The following GARS1 variants were observed in gnomAD, a reference collection of about 807,000 sequenced individuals.
GARS1 encodes glycine--tRNA ligase.
A neutral mutation model predicts 86.4 loss-of-function variants in GARS1; 46 were observed. That is an observed-to-expected ratio of 0.53 (90% confidence interval 0.42 to 0.68). GARS1 has a LOEUF of 0.68. Ranked by LOEUF, GARS1 falls within the 30% of genes least tolerant of loss-of-function variation. The pLI, the probability that GARS1 is intolerant of heterozygous loss-of-function variation, is 0.00. For missense variants in GARS1, 797 were observed against 915.6 expected, an observed-to-expected ratio of 0.87 and a Z score of 1.67; for synonymous variants, 342 against 329.8, an observed-to-expected ratio of 1.04 and a Z score of -0.40.
In GARS1 at chr7:30,601,066, T is replaced by C. The variant is rs2128132709; in HGVS notation, c.435T>C (p.Ser145=). Residue 145 remains serine, a synonymous_variant, in exon 4 of 17, where the codon AGT becomes AGC. Transcript: ENST00000389266. ...DQAFAIYGGV[S]GLYDFGPVGC... is the part of the protein sequence containing the mutation. ...TCCTCTCATATTCTATAGGTGTTAG[T>C]GGTCTGTATGACTTTGGGCCAGTTG... is the stretch of plus-strand genomic sequence containing the variant. The C allele has an allele frequency of 1.9e-6, 3 of 1,614,014 alleles. No homozygotes were observed. Among genetic ancestry groups the C allele is most frequent in the Middle Eastern group, 3.3e-4 (2 of 6,058 alleles).
chr7:30,616,572 A>T (rs982979194), intron 9 of GARS1, among the ~76,000 whole-genome samples: 6 of 152,148 alleles, frequency 3.9e-5, no homozygotes, highest in South Asian at 2.1e-4. Context: ...CCCTGAAAAT[A>T]CTCCTGGCAA....
intron 4 of GARS1, among the ~76,000 whole-genome samples, chr7:30,601,772 C>T (rs1048502715): frequency 3.3e-5 from 5 of 152,104 alleles, no homozygotes; most frequent in African/African-American, 2.4e-5. Context: ...GAAAGTAGGG[C>T]AGAATTTCCT....
In GARS1 at chr7:30,632,855, CAT is replaced by C. The variant is rs1783264172; in HGVS notation, c.2094+419_2094+420del. 1.3e-5 allele frequency among the ~76,000 whole-genome samples: 2 copies of C among 152,108 alleles called. No homozygotes were observed. Among genetic ancestry groups the C allele is most frequent in the African/African-American group, 4.8e-5 (2 of 41,410 alleles). ...TGTTCATATATTCAAAACAGTGAAT[CAT>C]GTTTCAGTAGTTTTGGTCAATAGGA... On this transcript the variant is annotated intron_variant, in intron 16 of 16. Coordinates refer to ENST00000389266, the MANE Select transcript of GARS1 (RefSeq NM_002047.4). This position sits in a 1 kb window ranked among gnomAD's most constrained non-coding sequence, Gnocchi z 4.1.
chr7:30,607,297 C>T (rs548454490), intron 6 of GARS1, among the ~76,000 whole-genome samples: 41 of 152,210 alleles, frequency 2.7e-4, no homozygotes, highest in South Asian at 1.2e-3. Flanking sequence ...GGAACCAACC[C>T]AAATGTCCAT....
chr7:30,632,493 T>A lies in GARS1; in HGVS notation c.2094+56T>A. On this transcript the variant is annotated intron_variant, in intron 16 of 16. Coordinates refer to ENST00000389266, the MANE Select transcript of GARS1 (RefSeq NM_002047.4). This position sits in a 1 kb window ranked among gnomAD's most constrained non-coding sequence, Gnocchi z 4.1. Reference sequence around the variant, plus strand: ...CTTAGAAATGTGTACTGCTTCTTACTGATTTGTGTTGGATTTTGATGTGTT... The same window carrying A: ...CTTAGAAATGTGTACTGCTTCTTACAGATTTGTGTTGGATTTTGATGTGTT... 6.4e-7 allele frequency: 1 copy of A among 1,561,184 alleles called. No individual in the cohort carries two copies. Among genetic ancestry groups the A allele is most frequent in the Non-Finnish European group, 8.8e-7 (1 of 1,132,726 alleles).
chr7:30,633,643 T>G, intron 16 of GARS1, 92 bp from the exon 17 acceptor site: 1 of 1,468,770 alleles, frequency 6.8e-7, no homozygotes, highest in South Asian at 1.1e-5. Flanking sequence ...ATTGTTTGGC[T>G]CTGTGTAAGG....
Position 30,631,512 on chromosome 7 carries a change from A to G in GARS1, c.1874A>G (p.Gln625Arg). Residue 625 changes from glutamine (Q) to arginine (R), a missense_variant, in exon 15 of 17, where the codon CAG becomes CGG. By Grantham distance (43) the Gln-to-Arg change is conservative. Transcript: ENST00000389266. ...KCSVLPLSQN[Q>R]EFMPFVKELS... ...TCCGTCCTCCCACTGAGCCAAAACC[A>G]GGAGTTCATGCCATTTGTCAAGGAA... 3 of 1,613,604 alleles carry G rather than the reference A, an allele frequency of 1.9e-6. No homozygotes were observed. Among genetic ancestry groups the G allele is most frequent in the Non-Finnish European group, 2.5e-6 (3 of 1,179,552 alleles).
At chr7:30,594,837 C>T, upstream of GARS1, 1 of 1,209,636 alleles carries the variant, frequency 8.3e-7, no homozygotes, top group Non-Finnish European at 1.2e-6. Flanking sequence ...GCGTCGTTTA[C>T]GCGGCGATTT....
At chr7:30,628,899 C>T (rs1462001874) in intron 14 of GARS1, among the ~76,000 whole-genome samples, 1 of 152,104 alleles carries the variant, frequency 6.6e-6, no homozygotes, top group Non-Finnish European at 1.5e-5. Flanking sequence ...GCCTGGTGCT[C>T]TCTATTCTTA....
intron 8 of GARS1, among the ~76,000 whole-genome samples, chr7:30,612,769 G>A (rs146380548): frequency 7.9e-5 from 12 of 152,228 alleles, no homozygotes; most frequent in Non-Finnish European, 1.5e-4. Flanking sequence ...AGGCCAGCAA[G>A]CAAGCTTACC....
chr7:30,625,178 AG>A (rs1783101945), intron 12 of GARS1, among the ~76,000 whole-genome samples: 1 of 152,188 alleles, frequency 6.6e-6, no homozygotes, highest in African/African-American at 2.4e-5. Context: ...TCCTGACCTC[AG>A]GTGATCCACC....
chr7:30,595,757 A>C, intron 1 of GARS1: 1 of 471,084 alleles, frequency 2.1e-6, no homozygotes, highest in Non-Finnish European at 4.4e-6. Context: ...GGAGGTGTCG[A>C]ACTTTTCTAT....
chr7:30,614,017 C>T (rs996891422), intron 8 of GARS1, among the ~76,000 whole-genome samples: 3 of 152,178 alleles, frequency 2.0e-5, no homozygotes, highest in African/African-American at 7.2e-5. Context: ...TAGTTCTCTA[C>T]AGTTTCAGGT....
chr7:30,616,144 G>A, intron 9 of GARS1, 86 bp downstream of exon 9: 1 of 1,449,878 alleles, frequency 6.9e-7, no homozygotes, highest in Middle Eastern at 2.2e-4. Flanking sequence ...TGGGTGACAA[G>A]ATATTTTATT....
intron 12 of GARS1, 122 bp from the exon 13 acceptor site, chr7:30,626,112 T>A: frequency 1.5e-6 from 1 of 659,592 alleles, no homozygotes; most frequent in South Asian, 1.7e-5. Context: ...TCACTTATTA[T>A]ATCTGGAGAG....
chr7:30,633,845 GAC>G lies in GARS1; in HGVS notation c.2207_2208del (p.Thr736AsnfsTer16). 6.5e-7 allele frequency: 1 copy of G among 1,537,220 alleles called. No individual in the cohort carries two copies. On this transcript the variant is annotated frameshift_variant, in exon 17 of 17. Transcript: ENST00000389266. LOFTEE classifies it high-confidence loss of function. ...FEGQETGKKETIEE is the reference protein window; with the variant it reads ...FEGQETGKKEXIEE The stretch of plus-strand genomic sequence containing the variant: ...AAGGGCAAGAGACTGGTAAAAAAGA[GAC>G]AATCGAGGAATGAGGACAATTTTGA...
intron 14 of GARS1, among the ~76,000 whole-genome samples, chr7:30,630,113 C>G (rs964146210): frequency 6.6e-6 from 1 of 152,164 alleles, no homozygotes; most frequent in African/African-American, 2.4e-5. Context: ...GTTCCTCAAT[C>G]CATTTGCCTA....
chr7:30,631,669 C>A, intron 15 of GARS1, 128 bp downstream of exon 15: 1 of 716,092 alleles, frequency 1.4e-6, no homozygotes, highest in Non-Finnish European at 2.5e-6. Context: ...ATAAAGAGTA[C>A]ATGATTTTAG....
In GARS1 at chr7:30,609,704, C is replaced by T. The variant is rs786204099; in HGVS notation, c.855C>T (p.Phe285=). Residue 285 remains phenylalanine (F), a synonymous_variant, in exon 7 of 17, where the codon TTC becomes TTT. Coordinates refer to ENST00000389266, the MANE Select transcript of GARS1 (RefSeq NM_002047.4). ...PVSFNLMFKT[F]IGPGGNMPGY... is the part of the protein sequence containing the mutation. ...CTTTTAACTTAATGTTCAAGACTTT[C>T]ATTGGGCCTGGAGGAAACATGCCTG... 2.5e-6 allele frequency: 4 copies of T among 1,613,534 alleles called. No individual in the cohort carries two copies. Among genetic ancestry groups the T allele is most frequent in the Non-Finnish European group, 3.4e-6 (4 of 1,179,642 alleles).
Sources: allele counts gnomAD v4.1 joint callset (sites outside exome capture counted in the v4.1 genomes callset), GRCh38; gene constraint gnomAD v4.1.1; non-coding constraint Gnocchi (gnomAD v3.1); transcripts MANE v1.5; gene names NCBI Gene and HGNC (gene_info 2026-07-23, HGNC 2026-07-21).